TASP1: variants seen among roughly 807,000 people sequenced by gnomAD.
The protein encoded by TASP1 is taspase 1.
A neutral mutation model predicts 56.6 loss-of-function variants in TASP1; 16 were observed. The ratio of observed to expected loss-of-function variants is 0.28; its 90% CI spans 0.19 to 0.43. The LOEUF (loss-of-function observed/expected upper bound fraction) is 0.43. Ranked by LOEUF, TASP1 falls within the 20% of genes least tolerant of loss-of-function variation. The probability of loss-of-function intolerance (pLI) is 1.00; values close to 1 mark genes in which losing one functional copy is unlikely to be tolerated. For missense variants in TASP1, 393 were observed against 511.6 expected (o/e 0.77, Z 2.24); for synonymous variants, 179 against 184.2 (o/e 0.97, Z 0.23).
At chr20:13,314,269 A>G in the TASP1 span, among the ~76,000 whole-genome samples, 2 of 152,256 alleles carry the variant, frequency 1.3e-5, no homozygotes, top group South Asian at 4.1e-4. Flanking sequence ...TAAATCCAGG[A>G]AGTTCAGAGA....
At chr20:13,273,839 C>T in the TASP1 span, among the ~76,000 whole-genome samples, 43 of 152,292 alleles carry the variant, frequency 2.8e-4, no homozygotes, top group East Asian at 8.1e-3. Context: ...CAATCCCTAT[C>T]GGTTAATTTT....
intron 8 of TASP1, among the ~76,000 whole-genome samples, chr20:13,537,966 C>A (rs1259004266): frequency 1.3e-5 from 2 of 151,586 alleles, no homozygotes; most frequent in Non-Finnish European, 2.9e-5. Context: ...CTAATCTGCA[C>A]TCTCTGAAAT....
At chr20:13,370,084 G>A in the TASP1 span, among the ~76,000 whole-genome samples, 2 of 152,104 alleles carry the variant, frequency 1.3e-5, no homozygotes, top group Non-Finnish European at 2.9e-5. Flanking sequence ...CAATATGAAT[G>A]ACAAAAGACA....
At chr20:13,339,643 T>C in the TASP1 span, among the ~76,000 whole-genome samples, 1 of 152,144 alleles carries the variant, frequency 6.6e-6, no homozygotes, top group Admixed American at 6.5e-5. Flanking sequence ...ACACCAATAA[T>C]ACAAAAAGTG....
At chr20:13,257,302 G>A in the TASP1 span, among the ~76,000 whole-genome samples, 3 of 152,174 alleles carry the variant, frequency 2.0e-5, no homozygotes, top group Non-Finnish European at 4.4e-5. Context: ...ATCATCTGAG[G>A]TCAGGAGTTT....
intron 10 of TASP1, among the ~76,000 whole-genome samples, chr20:13,528,067 C>G: frequency 6.6e-6 from 1 of 151,214 alleles, no homozygotes; most frequent in East Asian, 1.9e-4. Context: ...ACTAAAAATA[C>G]AAAAAATCAG....
chr20:13,383,181 G>T, the TASP1 span, among the ~76,000 whole-genome samples: 6 of 152,238 alleles, frequency 3.9e-5, no homozygotes, highest in African/African-American at 1.4e-4. Flanking sequence ...GGAAGGTTTT[G>T]AGCAGACAGG....
chr20:13,341,349 T>A, the TASP1 span, among the ~76,000 whole-genome samples: 1 of 152,230 alleles, frequency 6.6e-6, no homozygotes, highest in African/African-American at 2.4e-5. Context: ...GATGCTTTTA[T>A]CCTAATAGTT....
chr20:13,402,511 G>A lies in TASP1; in HGVS notation c.1171-12059C>T, dbSNP rs188646244. 8.5e-5 allele frequency among the ~76,000 whole-genome samples: 13 copies of A among 152,264 alleles called. No individual in the cohort carries two copies. The East Asian group carries it at 2.1e-3, about 25-fold the overall frequency. On this transcript the variant is annotated intron_variant, in intron 13 of 13. Coordinates refer to ENST00000337743, the MANE Select transcript of TASP1 (RefSeq NM_017714.3). ...GCCACTTTTCCTGTGGTTTATAAGT[G>A]CACTTGCCAAACTTGGCTGTCTCGG...
At chr20:13,496,916 G>A (rs1395358642) in intron 10 of TASP1, among the ~76,000 whole-genome samples, 1 of 152,110 alleles carries the variant, frequency 6.6e-6, no homozygotes, top group East Asian at 1.9e-4. Context: ...AGAAAACAGA[G>A]CCATGGTCTC....
At chr20:13,423,379 T>C (rs1377002473) in intron 12 of TASP1, among the ~76,000 whole-genome samples, 2 of 152,230 alleles carry the variant, frequency 1.3e-5, no homozygotes, top group Non-Finnish European at 2.9e-5. Context: ...TACTTAACAA[T>C]GTATTGATCT....
At chr20:13,214,423 G>A in the TASP1 span, among the ~76,000 whole-genome samples, 1 of 151,924 alleles carries the variant, frequency 6.6e-6, no homozygotes, top group African/African-American at 2.4e-5. Context: ...AGAATAGGCA[G>A]GTGTCAGCTG....
chr20:13,520,178 G>A (rs1194592514), intron 10 of TASP1, among the ~76,000 whole-genome samples: 4 of 152,090 alleles, frequency 2.6e-5, no homozygotes, highest in African/African-American at 7.2e-5. Flanking sequence ...AATCAATATC[G>A]GGAAAATGGC....
chr20:13,357,754 C>T, the TASP1 span, among the ~76,000 whole-genome samples: 1 of 152,148 alleles, frequency 6.6e-6, no homozygotes, highest in Non-Finnish European at 1.5e-5. Context: ...ACCCAGTGCT[C>T]AACAGTAGAA....
chr20:13,487,629 T>C (rs187143635), intron 10 of TASP1, among the ~76,000 whole-genome samples: 60 of 152,186 alleles, frequency 3.9e-4, no homozygotes, highest in African/African-American at 1.4e-3. Context: ...CTTCTACTTG[T>C]GGGTATCCCG....
At chr20:13,617,963 CACAGACAA>C (rs894379423) in intron 4 of TASP1, among the ~76,000 whole-genome samples, 3 of 152,008 alleles carry the variant, frequency 2.0e-5, no homozygotes, top group African/African-American at 7.2e-5. Context: ...CCCTGAGGCA[CACAGACAA>C]TTCCAGCCAG....
rs1186480117 is a variant in TASP1, at chr20:13,539,711, T to C, written c.676-5570A>G. ...ATCTGGGTTAGAGGAATTAAATTCA[T>C]ACCATAAAAAAGATTACTTAAAAAT... On this transcript the variant is annotated intron_variant, in intron 8 of 13. Transcript: ENST00000337743. Among the ~76,000 whole-genome samples the C allele has an allele frequency of 4.6e-5, 7 of 152,324 alleles. No individual in the cohort carries two copies. The East Asian group carries it at 7.7e-4, about 17-fold the overall frequency.
intron 4 of TASP1, among the ~76,000 whole-genome samples, chr20:13,600,058 A>AATATT (rs2047896513): frequency 6.6e-6 from 1 of 152,180 alleles, no homozygotes; most frequent in Admixed American, 6.5e-5. Context: ...AACATGAAAT[A>AATATT]CTTGGGAATA....
At chr20:13,499,464 A>T (rs1271564463) in intron 10 of TASP1, among the ~76,000 whole-genome samples, 1 of 49,532 alleles carries the variant, frequency 2.0e-5, no homozygotes, top group Non-Finnish European at 6.7e-5. Context: ...AAATCTCTTT[A>T]AAAAAAAAAA....
Sources: gnomAD v4.1 joint callset for allele counts (sites outside exome capture counted in the v4.1 genomes callset) on GRCh38, gnomAD v4.1.1 for gene constraint, MANE v1.5 for transcripts, NCBI Gene and HGNC (gene_info 2026-07-23, HGNC 2026-07-21) for gene names.